ZFHX3: variants seen among roughly 807,000 people sequenced by gnomAD.
The protein encoded by ZFHX3 is zinc finger homeobox protein 3.
ZFHX3 carries 42 observed loss-of-function variants against 279.1 expected under a neutral mutation model. The ratio of observed to expected loss-of-function variants is 0.15; its 90% CI spans 0.12 to 0.19. ZFHX3 has a LOEUF of 0.19. Ranked by LOEUF, ZFHX3 falls within the 10% of genes least tolerant of loss-of-function variation. The probability of loss-of-function intolerance (pLI) is 1.00; values close to 1 mark genes in which losing one functional copy is unlikely to be tolerated. For synonymous variants in ZFHX3, 2,293 were observed against 1,957.8 expected (o/e 1.17, Z -4.52); for missense variants, 4,981 against 4,754.0 (o/e 1.05, Z -1.40).
At chr16:72,820,455 C>T (rs2036758502) in intron 5 of ZFHX3, among the ~76,000 whole-genome samples, 1 of 152,194 alleles carries the variant, frequency 6.6e-6, no homozygotes, top group African/African-American at 2.4e-5. Context: ...GAGCCACCAC[C>T]TGGTTTAGAC....
At chr16:72,996,146 T>C (rs1337219086) in intron 1 of ZFHX3, among the ~76,000 whole-genome samples, 1 of 151,808 alleles carries the variant, frequency 6.6e-6, no homozygotes, top group African/African-American at 2.4e-5. Context: ...GAGCCGGGCA[T>C]GGTGGCGGGC....
chr16:73,891,188 A>T lies in ZFHX3; in HGVS notation c.-1608+463T>A, dbSNP rs545838285. On this transcript the variant is annotated intron_variant, in intron 1 of 17. Coordinates refer to the ZFHX3 transcript ENST00000641206. Reference sequence around the variant, plus strand: ...ATAAAAAAGTCACAGCAATCATGTCATGATTTCCTGCCTCCCAGCCCCACA... The same window carrying T: ...ATAAAAAAGTCACAGCAATCATGTCTTGATTTCCTGCCTCCCAGCCCCACA... Among the ~76,000 whole-genome samples the T allele has an allele frequency of 2.0e-5, 3 of 152,174 alleles. No individual in the cohort carries two copies. The South Asian group carries it at 6.2e-4, about 32-fold the overall frequency.
intron 5 of ZFHX3, among the ~76,000 whole-genome samples, chr16:73,177,222 G>T (rs951033424): frequency 5.3e-5 from 8 of 152,214 alleles, no homozygotes; most frequent in Non-Finnish European, 1.2e-4. Context: ...TTCAAATTGA[G>T]TGAGATAATG....
intron 1 of ZFHX3, among the ~76,000 whole-genome samples, chr16:73,004,734 G>C (rs1481297628): frequency 6.6e-6 from 1 of 152,034 alleles, no homozygotes; most frequent in Admixed American, 6.5e-5. Flanking sequence ...TTAGTGACCA[G>C]CATGCACAAT....
At chr16:73,232,403 A>G (rs1257845449) in intron 5 of ZFHX3, 1 of 152,244 alleles carries the variant, frequency 6.6e-6, no homozygotes. Flanking sequence ...AAATAACAGA[A>G]GGCGAGAGGG....
intron 1 of ZFHX3, among the ~76,000 whole-genome samples, chr16:73,840,246 G>A (rs1272078784): frequency 1.3e-5 from 2 of 152,128 alleles, no homozygotes; most frequent in Non-Finnish European, 2.9e-5. Context: ...GCCAAGAGGA[G>A]GAAAAGAAAG....
At chr16:73,799,507 T>C (rs1456878399) in intron 1 of ZFHX3, among the ~76,000 whole-genome samples, 4 of 152,120 alleles carry the variant, frequency 2.6e-5, no homozygotes, top group Admixed American at 6.5e-5. Flanking sequence ...GGAAGAGAGA[T>C]GCTTGCTGCA....
chr16:72,876,921 G>A (rs182576522), intron 4 of ZFHX3, among the ~76,000 whole-genome samples: 204 of 152,230 alleles, frequency 1.3e-3, no homozygotes, highest in Non-Finnish European at 1.8e-3. Context: ...CAATCCCAAG[G>A]GGAACAGAGA....
intron 5 of ZFHX3, among the ~76,000 whole-genome samples, chr16:73,224,375 A>G (rs2012523467): frequency 6.6e-6 from 1 of 152,240 alleles, no homozygotes; most frequent in Non-Finnish European, 1.5e-5. Flanking sequence ...TAGCATCACA[A>G]TGTACACATA....
chr16:73,316,634 T>C (rs2015455766), intron 4 of ZFHX3, among the ~76,000 whole-genome samples: 1 of 152,178 alleles, frequency 6.6e-6, no homozygotes. Flanking sequence ...CTTATACTTG[T>C]TGGGAATCCC....
intron 5 of ZFHX3, among the ~76,000 whole-genome samples, chr16:73,221,415 C>T (rs1452581731): frequency 6.6e-6 from 1 of 151,796 alleles, no homozygotes; most frequent in Non-Finnish European, 1.5e-5. Context: ...TAAAAAGTTG[C>T]AATCTTTTAG....
chr16:73,481,804 T>G (rs1339508607), intron 2 of ZFHX3, among the ~76,000 whole-genome samples: 1 of 152,112 alleles, frequency 6.6e-6, no homozygotes, highest in African/African-American at 2.4e-5. Flanking sequence ...GCCTACCACA[T>G]TTTAGATGTC....
intron 1 of ZFHX3, among the ~76,000 whole-genome samples, chr16:73,852,772 A>G (rs779146848): frequency 6.6e-6 from 1 of 152,238 alleles, no homozygotes; most frequent in Admixed American, 6.5e-5. Context: ...CCTGTTGGCT[A>G]GGATTAGATC....
At chr16:72,850,861 A>C (rs2037597671) in intron 4 of ZFHX3, among the ~76,000 whole-genome samples, 1 of 152,150 alleles carries the variant, frequency 6.6e-6, no homozygotes, top group Non-Finnish European at 1.5e-5. Flanking sequence ...AGCTATTAAT[A>C]AACTCTGCAA....
intron 5 of ZFHX3, among the ~76,000 whole-genome samples, chr16:73,166,605 C>T (rs1331795864): frequency 6.6e-6 from 1 of 152,084 alleles, no homozygotes; most frequent in Non-Finnish European, 1.5e-5. Context: ...AGGGGGTCTG[C>T]TGCATGGTTA....
intron 1 of ZFHX3, among the ~76,000 whole-genome samples, chr16:73,001,414 G>A (rs904273605): frequency 1.3e-5 from 2 of 152,298 alleles, no homozygotes; most frequent in South Asian, 2.1e-4. Context: ...CTGACCCACA[G>A]AAACTGTAAG....
chr16:73,533,907 T>G (rs1015955359), intron 2 of ZFHX3, among the ~76,000 whole-genome samples: 1 of 152,174 alleles, frequency 6.6e-6, no homozygotes, highest in African/African-American at 2.4e-5. Context: ...TAGTCAGTGC[T>G]AACAGCATTT....
intron 8 of ZFHX3, among the ~76,000 whole-genome samples, chr16:73,082,188 C>A (rs559762143): frequency 5.3e-5 from 8 of 152,104 alleles, no homozygotes; most frequent in Non-Finnish European, 1.2e-4. Context: ...GAACTCTGAG[C>A]TTTTATCTTA....
At chr16:73,731,663 C>T (rs2053570978) in intron 1 of ZFHX3, among the ~76,000 whole-genome samples, 1 of 151,920 alleles carries the variant, frequency 6.6e-6, no homozygotes, top group African/African-American at 2.4e-5. Flanking sequence ...AAAACCCATT[C>T]TGAACTCCTT....
Sources: gnomAD v4.1 joint callset for allele counts (sites outside exome capture counted in the v4.1 genomes callset) on GRCh38, gnomAD v4.1.1 for gene constraint, MANE v1.5 for transcripts, NCBI Gene and HGNC (gene_info 2026-07-23, HGNC 2026-07-21) for gene names.